SYK: variants seen among roughly 807,000 people sequenced by gnomAD.
SYK encodes the protein tyrosine-protein kinase SYK.
SYK carries 16 observed loss-of-function variants against 77.8 expected under a neutral mutation model. That is an observed-to-expected ratio of 0.21 (90% confidence interval 0.14 to 0.31). SYK has a LOEUF of 0.31. SYK is among the 10% of genes least tolerant of loss of function. SYK has a pLI of 1.00. For missense variants in SYK, 529 were observed against 814.4 expected, an observed-to-expected ratio of 0.65 and a Z score of 4.26; for synonymous variants, 312 against 308.7, an observed-to-expected ratio of 1.01 and a Z score of -0.11.
chr9:90,873,988 G>C (rs2290891), intron 7 of SYK, among the ~76,000 whole-genome samples: 28,191 of 152,152 alleles, frequency 0.19, 2,970 homozygotes, highest in Admixed American at 0.3. Flanking sequence ...CCCTTGAGTT[G>C]TAGCAGCACA....
chr9:90,802,285 TC>T (rs1298848324), intron 1 of SYK, among the ~76,000 whole-genome samples: 3 of 152,240 alleles, frequency 2.0e-5, no homozygotes, highest in Non-Finnish European at 4.4e-5. Flanking sequence ...TAGAACATTT[TC>T]CTTTGGCCAT....
At chr9:90,839,467 G>A (rs1392024420) in intron 1 of SYK, among the ~76,000 whole-genome samples, 1 of 152,094 alleles carries the variant, frequency 6.6e-6, no homozygotes, top group Admixed American at 6.5e-5. Flanking sequence ...GCGTGTGCCT[G>A]GAGGTTGCTC....
chr9:90,825,030 A>G (rs1268896481), intron 1 of SYK, among the ~76,000 whole-genome samples: 3 of 152,260 alleles, frequency 2.0e-5, no homozygotes, highest in Non-Finnish European at 4.4e-5. Context: ...AGATCAATAT[A>G]CAAAAGTCGG....
At chr9:90,843,127 G>C (rs953731441) in intron 1 of SYK, among the ~76,000 whole-genome samples, 40 of 152,162 alleles carry the variant, frequency 2.6e-4, no homozygotes, top group Non-Finnish European at 5.9e-5. Flanking sequence ...CCCAGGAAGT[G>C]GTCTGGAGAA....
At chr9:90,877,818 C>G (rs1828003329) in intron 10 of SYK, 38 bp downstream of exon 10, 2 of 1,610,634 alleles carry the variant, frequency 1.2e-6, no homozygotes, top group South Asian at 1.1e-5. Context: ...GAAGCTATCC[C>G]CTAAGGGACA....
At chr9:90,804,166 G>C (rs908813954) in intron 1 of SYK, among the ~76,000 whole-genome samples, 3 of 152,132 alleles carry the variant, frequency 2.0e-5, no homozygotes, top group African/African-American at 7.2e-5. Flanking sequence ...TAATTAGAAG[G>C]GCAGTTCCTC....
At chr9:90,861,318 G>A (rs1564102040) in intron 3 of SYK, among the ~76,000 whole-genome samples, 1 of 152,146 alleles carries the variant, frequency 6.6e-6, no homozygotes, top group Non-Finnish European at 1.5e-5. Flanking sequence ...CAGGGCAGGG[G>A]GTTGTTCTGA....
At chr9:90,869,276 G>C (rs1293746794) in intron 7 of SYK, among the ~76,000 whole-genome samples, 1 of 150,336 alleles carries the variant, frequency 6.7e-6, no homozygotes, top group Non-Finnish European at 1.5e-5. Flanking sequence ...TACCTTTCTG[G>C]CAAAAAAAAA....
intron 7 of SYK, among the ~76,000 whole-genome samples, chr9:90,868,293 A>G (rs1587889379): frequency 1.3e-5 from 2 of 152,332 alleles, no homozygotes; most frequent in South Asian, 4.1e-4. Context: ...ACAGTGGCTA[A>G]AGAAATACCT....
chr9:90,872,893 G>T (rs574529115), intron 7 of SYK, among the ~76,000 whole-genome samples: 1 of 152,128 alleles, frequency 6.6e-6, no homozygotes, highest in Admixed American at 6.6e-5. Flanking sequence ...TTTTATTTTT[G>T]ATGTGTCATA....
chr9:90,805,068 A>C (rs1824765047), intron 1 of SYK, among the ~76,000 whole-genome samples: 1 of 152,274 alleles, frequency 6.6e-6, no homozygotes, highest in Admixed American at 6.5e-5. Context: ...AGATATGCAA[A>C]GAAAGAATAT....
chr9:90,894,438 G>A (rs1461342249), intron 13 of SYK, among the ~76,000 whole-genome samples: 3 of 152,310 alleles, frequency 2.0e-5, no homozygotes, highest in Admixed American at 6.5e-5. Context: ...AAAGCTATAA[G>A]AGAAACCATG....
At chr9:90,814,854 A>G (rs961101147) in intron 1 of SYK, among the ~76,000 whole-genome samples, 6 of 75,110 alleles carry the variant, frequency 8.0e-5, no homozygotes, top group Non-Finnish European at 1.5e-4. Flanking sequence ...ACACACACAC[A>G]CACACACACA....
intron 1 of SYK, among the ~76,000 whole-genome samples, chr9:90,828,107 C>T (rs917991255): frequency 1.1e-4 from 16 of 152,004 alleles, no homozygotes; most frequent in African/African-American, 1.5e-4. Flanking sequence ...AGATTATGCT[C>T]ATAAGGTAGT....
At chr9:90,861,235 C>T (rs542008348) in intron 3 of SYK, among the ~76,000 whole-genome samples, 9 of 152,290 alleles carry the variant, frequency 5.9e-5, no homozygotes, top group East Asian at 5.8e-4. Context: ...ATAAGCCTTA[C>T]GTGGCATGCA....
chr9:90,808,896 A>G (rs912922215), intron 1 of SYK, among the ~76,000 whole-genome samples: 2 of 152,118 alleles, frequency 1.3e-5, no homozygotes, highest in Admixed American at 1.3e-4. Context: ...CATGCCTTTC[A>G]AGGAGAGCAT....
intron 3 of SYK, among the ~76,000 whole-genome samples, chr9:90,861,015 T>C (rs369970758): frequency 5.3e-5 from 8 of 152,238 alleles, no homozygotes; most frequent in African/African-American, 1.9e-4. Context: ...CAAAGAGGCT[T>C]CCTGGGACTT....
chr9:90,816,423 T>C (rs142529299), intron 1 of SYK, among the ~76,000 whole-genome samples: 18 of 152,340 alleles, frequency 1.2e-4, no homozygotes, highest in African/African-American at 4.3e-4. Flanking sequence ...ATGCCTCTGG[T>C]TGGACACGTC....
At chr9:90,854,217 A>G (rs954100979) in intron 3 of SYK, among the ~76,000 whole-genome samples, 2 of 152,134 alleles carry the variant, frequency 1.3e-5, no homozygotes, top group Non-Finnish European at 2.9e-5. Context: ...TGAGGTGTTG[A>G]GAGAGATCCT....
Sources: gnomAD v4.1 joint callset for allele counts (sites outside exome capture counted in the v4.1 genomes callset) on GRCh38, gnomAD v4.1.1 for gene constraint, MANE v1.5 for transcripts, NCBI Gene and HGNC (gene_info 2026-07-23, HGNC 2026-07-21) for gene names.